Variants in MDFIC2 observed in about 807,000 individuals in gnomAD.
MDFIC2 encodes the protein myoD family inhibitor domain-containing protein 2.
intron 2 of MDFIC2, among the ~76,000 whole-genome samples, chr3:70,277,568 G>A (rs993732173): frequency 1.5e-4 from 23 of 152,152 alleles, no homozygotes; most frequent in Non-Finnish European, 2.6e-4. Context: ...TGTCATAAGT[G>A]GAAAATTGGC....
At chr3:70,285,675 C>T (rs1303850778) in intron 2 of MDFIC2, among the ~76,000 whole-genome samples, 4 of 150,368 alleles carry the variant, frequency 2.7e-5, no homozygotes, top group African/African-American at 7.3e-5. Flanking sequence ...GTCCCACCAA[C>T]AGTGTAAAAG....
rs372592584 is a variant in MDFIC2, at chr3:70,241,975, A to G, written c.89-35185T>C. On this transcript the variant is annotated intron_variant, in intron 2 of 3. Transcript: ENST00000567252. ...TTTGTTTAGGCCCTTAGAGTTTATT[A>G]TCTAATCCTAGTAGGTGGCACCAAC... Among the ~76,000 whole-genome samples, 3 of 152,322 alleles carry G rather than the reference A, an allele frequency of 2.0e-5. No individual in the cohort carries two copies. In the East Asian group the frequency reaches 5.8e-4, roughly 29 times the overall value.
At chr3:70,293,471 C>CA (rs1160714149) in intron 2 of MDFIC2, among the ~76,000 whole-genome samples, 2 of 152,032 alleles carry the variant, frequency 1.3e-5, no homozygotes. Context: ...CTATTAGTGA[C>CA]AAAATCACAG....
intron 2 of MDFIC2, among the ~76,000 whole-genome samples, chr3:70,231,962 G>C (rs1701563767): frequency 6.6e-6 from 1 of 152,158 alleles, no homozygotes; most frequent in East Asian, 1.9e-4. Context: ...CAGTTGTTCA[G>C]TGTTGGGAGC....
chr3:70,201,990 T>G (rs978968232), intron 3 of MDFIC2, among the ~76,000 whole-genome samples: 1 of 152,204 alleles, frequency 6.6e-6, no homozygotes, highest in East Asian at 1.9e-4. Context: ...CTCTTTGCTT[T>G]TATCTCTCTC....
chr3:70,247,092 C>T (rs1401072138), intron 2 of MDFIC2, among the ~76,000 whole-genome samples: 1 of 151,796 alleles, frequency 6.6e-6, no homozygotes, highest in Non-Finnish European at 1.5e-5. Flanking sequence ...ATCATAGTAC[C>T]AAGCGCATGG....
Position 70,210,842 on chromosome 3 carries a change from G to A in MDFIC2, c.89-4052C>T, listed in dbSNP as rs531366953. 2.0e-5 allele frequency among the ~76,000 whole-genome samples: 3 copies of A among 151,864 alleles called. No homozygotes were observed. The South Asian group carries it at 6.3e-4, about 32-fold the overall frequency. On this transcript the variant is annotated intron_variant, in intron 2 of 3. Coordinates refer to ENST00000567252, the MANE Select transcript of MDFIC2 (RefSeq NM_001364677.1). Reference sequence around the variant, plus strand: ...GCTACAGGTAATTGCAAGAACAAATGGACATAAACTTAAGTCAGAGAAAAG... The same window carrying A: ...GCTACAGGTAATTGCAAGAACAAATAGACATAAACTTAAGTCAGAGAAAAG...
intron 2 of MDFIC2, among the ~76,000 whole-genome samples, chr3:70,290,659 C>T (rs1702227230): frequency 6.6e-6 from 1 of 152,190 alleles, no homozygotes; most frequent in African/African-American, 2.4e-5. Context: ...CTCCCCTAGC[C>T]TCGCTGCCGC....
intron 2 of MDFIC2, among the ~76,000 whole-genome samples, chr3:70,273,839 A>C (rs1035191479): frequency 1.3e-5 from 2 of 152,096 alleles, no homozygotes; most frequent in African/African-American, 4.8e-5. Context: ...GTCTCACTTT[A>C]TTGCCTAGGC....
chr3:70,276,922 G>C (rs1702032750), intron 2 of MDFIC2, among the ~76,000 whole-genome samples: 1 of 152,002 alleles, frequency 6.6e-6, no homozygotes, highest in African/African-American at 2.4e-5. Flanking sequence ...TAATCAGTGA[G>C]AAATCCTCAC....
intron 2 of MDFIC2, among the ~76,000 whole-genome samples, chr3:70,267,472 C>T (rs991285879): frequency 2.8e-5 from 4 of 144,696 alleles, no homozygotes; most frequent in Admixed American, 2.2e-4. Context: ...GCGCGATCTC[C>T]GCTCACTGCA....
chr3:70,225,360 C>T (rs539176717), intron 2 of MDFIC2, among the ~76,000 whole-genome samples: 5 of 152,274 alleles, frequency 3.3e-5, no homozygotes, highest in African/African-American at 9.6e-5. Context: ...CAGAGTTCTG[C>T]CGTTCAAGTC....
At chr3:70,230,013 T>G (rs1701543356) in intron 2 of MDFIC2, among the ~76,000 whole-genome samples, 1 of 152,196 alleles carries the variant, frequency 6.6e-6, no homozygotes. Context: ...TATTATCTAA[T>G]TTTATCATAT....
chr3:70,276,554 A>G (rs1295819975), intron 2 of MDFIC2, among the ~76,000 whole-genome samples: 8 of 152,194 alleles, frequency 5.3e-5, no homozygotes, highest in Non-Finnish European at 8.8e-5. Flanking sequence ...TTTATCACAT[A>G]TGCAATCTGT....
chr3:70,286,273 A>G (rs1007022601), intron 2 of MDFIC2, among the ~76,000 whole-genome samples: 1 of 152,206 alleles, frequency 6.6e-6, no homozygotes, highest in East Asian at 1.9e-4. Flanking sequence ...AGCTTTCTAC[A>G]TATGGCTAGC....
Position 70,283,239 on chromosome 3 carries a change from C to T in MDFIC2, c.88+28647G>A, listed in dbSNP as rs142803090. 3.8e-3 allele frequency among the ~76,000 whole-genome samples: 585 copies of T among 152,124 alleles called. 12 individuals are homozygous for T. The highest frequency in any genetic ancestry group is 7.4e-4 in the Non-Finnish European group (50 of 67,998). ...GAATGAAGACACTGAAATAGATTTGCGGGAACCTTGTAAACTCATGCAGTC... is the reference window on the plus strand; with the variant it reads ...GAATGAAGACACTGAAATAGATTTGTGGGAACCTTGTAAACTCATGCAGTC... On this transcript the variant is annotated intron_variant, in intron 2 of 3. Transcript: ENST00000567252.
intron 2 of MDFIC2, among the ~76,000 whole-genome samples, chr3:70,250,850 T>A (rs916240794): frequency 6.6e-6 from 1 of 152,140 alleles, no homozygotes; most frequent in Non-Finnish European, 1.5e-5. Context: ...CCAGGTTGAA[T>A]GGGCAGACTG....
intron 2 of MDFIC2, among the ~76,000 whole-genome samples, chr3:70,309,309 T>A (rs1279808158): frequency 6.6e-6 from 1 of 152,158 alleles, no homozygotes; most frequent in Non-Finnish European, 1.5e-5. Flanking sequence ...TACCACTTTG[T>A]TGTAGGTATT....
chr3:70,296,074 G>C (rs6549332), intron 2 of MDFIC2, among the ~76,000 whole-genome samples: 60,736 of 152,012 alleles, frequency 0.4, 12,596 homozygotes, highest in South Asian at 0.56. Context: ...TTATGTCTTA[G>C]AATTCATTCA....
Sources: gnomAD v4.1 joint callset for allele counts (sites outside exome capture counted in the v4.1 genomes callset) on GRCh38, gnomAD v4.1.1 for gene constraint, MANE v1.5 for transcripts, NCBI Gene and HGNC (gene_info 2026-07-23, HGNC 2026-07-21) for gene names.